Variants in CELF2 observed in about 807,000 individuals in gnomAD.
CELF2 encodes the protein CUGBP Elav-like family member 2, also known as CUG triplet repeat RNA-binding protein 2.
In CELF2, 8 loss-of-function variants were observed where a neutral mutation model predicts 62.6. That is an observed-to-expected ratio of 0.13 (90% CI 0.07 to 0.23). The LOEUF (loss-of-function observed/expected upper bound fraction) is 0.23, where lower values mean the gene tolerates loss of function less well. Ranked by LOEUF, CELF2 falls within the 10% of genes least tolerant of loss-of-function variation. The pLI is 1.00. For missense variants in CELF2, 333 were observed against 671.0 expected (o/e 0.50, Z 5.56); for synonymous variants, 258 against 250.0 (o/e 1.03, Z -0.30).
At chr10:11,199,019 GAGTA>G (rs2058614482) in intron 2 of CELF2, among the ~76,000 whole-genome samples, 1 of 152,200 alleles carries the variant, frequency 6.6e-6, no homozygotes, top group African/African-American at 2.4e-5. Context: ...TATAGACCAA[GAGTA>G]GTTGACTTTC....
At chr10:11,019,756 A>G (rs765459580) in intron 1 of CELF2, among the ~76,000 whole-genome samples, 24 of 152,262 alleles carry the variant, frequency 1.6e-4, no homozygotes, top group Middle Eastern at 6.8e-3. Context: ...GATTAGTAAC[A>G]TTTCCACGAT....
chr10:11,027,338 C>T (rs2059385946), intron 1 of CELF2, among the ~76,000 whole-genome samples: 1 of 152,172 alleles, frequency 6.6e-6, no homozygotes, highest in Non-Finnish European at 1.5e-5. Context: ...AAGTTGCCGC[C>T]AGCATCAAAT....
At position 11,011,547 on chromosome 10, in the gene CELF2, T is replaced by C. The variant is rs946230431; in HGVS notation, c.53+6107T>C. On this transcript the variant is annotated intron_variant, in intron 1 of 12. Coordinates refer to the CELF2 transcript ENST00000416382. This position sits in a 1 kb window ranked among gnomAD's most constrained non-coding sequence, Gnocchi z 4.6. The stretch of plus-strand genomic sequence containing the variant: ...CCTAATGTCATTTACATCTCTCCTC[T>C]TCTCTTACCTGCCCTATTCCTATGA... Among the ~76,000 whole-genome samples the C allele has an allele frequency of 2.6e-5, 4 of 152,134 alleles. No homozygotes were observed. Among genetic ancestry groups the C allele is most frequent in the African/African-American group, 9.7e-5 (4 of 41,430 alleles).
the CELF2 span, among the ~76,000 whole-genome samples, chr10:10,696,995 C>G: frequency 6.6e-6 from 1 of 152,144 alleles, no homozygotes; most frequent in Admixed American, 6.5e-5. Flanking sequence ...ATTCGGCCAT[C>G]TTGCGATTAT....
chr10:11,072,905 C>T (rs1045709036), intron 1 of CELF2, among the ~76,000 whole-genome samples: 1 of 151,602 alleles, frequency 6.6e-6, no homozygotes, highest in African/African-American at 2.4e-5. Context: ...GTTTTTAAAA[C>T]ATAGAAAACA....
At chr10:10,609,054 A>G in the CELF2 span, among the ~76,000 whole-genome samples, 1 of 152,132 alleles carries the variant, frequency 6.6e-6, no homozygotes, top group Admixed American at 6.5e-5. Flanking sequence ...TGGGAGAACC[A>G]TTGCTCTTTC....
At position 10,931,535 on chromosome 10, in the gene CELF2, C is replaced by G. The variant is rs752726947; in HGVS notation, c.89+11536C>G. Reference sequence around the variant, plus strand: ...CAGATCCCAACCTGTGGAACTCAGGCTAGCATCGACATAGTGACACCTGGT... The same window carrying G: ...CAGATCCCAACCTGTGGAACTCAGGGTAGCATCGACATAGTGACACCTGGT... On this transcript the variant is annotated intron_variant, in intron 2 of 13. Coordinates refer to the CELF2 transcript ENST00000636488. This position sits in a 1 kb window ranked among gnomAD's most constrained non-coding sequence, Gnocchi z 6.1. Among the ~76,000 whole-genome samples, 1 of 152,178 alleles carries G rather than the reference C, an allele frequency of 6.6e-6. No individual in the cohort carries two copies. Among genetic ancestry groups the G allele is most frequent in the African/African-American group, 2.4e-5 (1 of 41,428 alleles).
intron 1 of CELF2, among the ~76,000 whole-genome samples, chr10:10,903,010 G>T (rs1160854395): frequency 6.6e-6 from 1 of 152,050 alleles, no homozygotes; most frequent in African/African-American, 2.4e-5. Flanking sequence ...CAGGAAGAAA[G>T]AAAGGAGAGA....
chr10:11,065,311 T>C (rs991905587), intron 1 of CELF2, among the ~76,000 whole-genome samples: 1 of 152,246 alleles, frequency 6.6e-6, no homozygotes, highest in Non-Finnish European at 1.5e-5. Flanking sequence ...TTTTCAAAAA[T>C]GTGAGATTAT....
chr10:11,138,097 T>C (rs2060726226), intron 1 of CELF2, among the ~76,000 whole-genome samples: 1 of 152,028 alleles, frequency 6.6e-6, no homozygotes, highest in Non-Finnish European at 1.5e-5. Flanking sequence ...GACACAAATT[T>C]AAAGTTATTT....
intron 2 of CELF2, among the ~76,000 whole-genome samples, chr10:10,923,237 A>G (rs1182610651): frequency 1.3e-5 from 2 of 152,206 alleles, no homozygotes; most frequent in Non-Finnish European, 2.9e-5. Context: ...TCTAGGAAAA[A>G]TGGAAAAATG....
At chr10:11,001,035 C>T (rs965510823), upstream of CELF2, among the ~76,000 whole-genome samples, 5 of 152,142 alleles carry the variant, frequency 3.3e-5, no homozygotes, top group African/African-American at 4.8e-5. Flanking sequence ...AATAGAAGAA[C>T]GTTCATCCAT....
chr10:10,940,029 T>C (rs573834738), intron 2 of CELF2, among the ~76,000 whole-genome samples: 67 of 152,240 alleles, frequency 4.4e-4, no homozygotes, highest in African/African-American at 1.5e-3. Flanking sequence ...TGATTAGAGA[T>C]AGTTTTTGAA....
rs1590223671 is a variant in CELF2, at chr10:11,270,008, T to C, written c.619-658T>C. Among the ~76,000 whole-genome samples, 2 of 152,304 alleles carry C rather than the reference T, an allele frequency of 1.3e-5. No individual in the cohort carries two copies. Among genetic ancestry groups the C allele is most frequent in the South Asian group, 4.2e-4 (2 of 4,814 alleles). The stretch of plus-strand genomic sequence containing the variant: ...TTGCACCAGCTCCAGGGATGGCGGG[T>C]AGCACAGGTGTGCTGAGGGAAGAGG... On this transcript the variant is annotated intron_variant, in intron 6 of 12. Transcript: ENST00000633077. The surrounding 1 kb of genome is among the most constrained non-coding windows in gnomAD (Gnocchi z 5.8).
chr10:10,593,320 G>T, the CELF2 span, among the ~76,000 whole-genome samples: 4 of 152,192 alleles, frequency 2.6e-5, no homozygotes, highest in Non-Finnish European at 5.9e-5. Flanking sequence ...ATCTAGAACG[G>T]CTTTGCTCAT....
chr10:11,205,888 C>T (rs1489332456), intron 2 of CELF2, among the ~76,000 whole-genome samples: 1 of 152,172 alleles, frequency 6.6e-6, no homozygotes, highest in Non-Finnish European at 1.5e-5. Context: ...CAAGAAAAAA[C>T]AATCTACAAT....
At chr10:11,084,764 C>T (rs78041898) in intron 1 of CELF2, among the ~76,000 whole-genome samples, 6 of 151,942 alleles carry the variant, frequency 3.9e-5, no homozygotes, top group Non-Finnish European at 8.8e-5. Context: ...AAAAAAAACC[C>T]ACGGTCTCAT....
intron 2 of CELF2, among the ~76,000 whole-genome samples, chr10:11,203,550 C>T (rs2059750091): frequency 6.6e-6 from 1 of 152,174 alleles, no homozygotes; most frequent in South Asian, 2.1e-4. Context: ...GGAATCAGGC[C>T]AGGCTTTATC....
At chr10:10,827,098 GTTGTTTGTTTGT>G (rs147677000) in intron 1 of CELF2, among the ~76,000 whole-genome samples, 6 of 151,210 alleles carry the variant, frequency 4.0e-5, no homozygotes, top group African/African-American at 7.3e-5. Context: ...ATCAAAGAGG[GTTGTTTGTTTGT>G]TTGTTTGTTT....
Sources: gnomAD v4.1 joint callset for allele counts (sites outside exome capture counted in the v4.1 genomes callset) on GRCh38, gnomAD v4.1.1 for gene constraint, Gnocchi (gnomAD v3.1) non-coding constraint, MANE v1.5 for transcripts, NCBI Gene and HGNC (gene_info 2026-07-23, HGNC 2026-07-21) for gene names.